Variants in MAP7D2 observed in about 807,000 individuals in gnomAD.
The protein encoded by MAP7D2 is MAP7 domain-containing protein 2.
In MAP7D2, 33 loss-of-function variants were observed where a neutral mutation model predicts 63.5. The ratio of observed to expected loss-of-function variants is 0.52; its 90% CI spans 0.39 to 0.70. The LOEUF (loss-of-function observed/expected upper bound fraction) is 0.70. MAP7D2 is among the 30% of genes least tolerant of loss of function. The pLI, the probability that MAP7D2 is intolerant of heterozygous loss-of-function variation, is 0.00. For synonymous variants in MAP7D2, 224 were observed against 223.7 expected (o/e 1.00, Z -0.01); for missense variants, 626 against 604.0 (o/e 1.04, Z -0.38).
In MAP7D2 at chrX:20,116,774, A is replaced by G. The variant is rs2066906054; in HGVS notation, c.106T>C (p.Ser36Pro). Residue 36 changes from serine (S) to proline (P), a missense_variant, in exon 1 of 17, where the codon TCT becomes CCT. Transcript: ENST00000379643. ...KIAEPGAVRT[S>P]QPNYRPQGME... ...CCTTGAGGCCGGTAGTTGGGCTGAG[A>G]GGTCCGCACCGCGCCCGGTTCTGCG... is the stretch of plus-strand genomic sequence containing the variant. 1 of 1,187,506 alleles carries G rather than the reference A, an allele frequency of 8.4e-7. No homozygotes were observed. Among genetic ancestry groups the G allele is most frequent in the Non-Finnish European group, 1.1e-6 (1 of 884,451 alleles).
intron 10 of MAP7D2, among the ~76,000 whole-genome samples, chrX:20,021,774 C>G (rs1004114065): frequency 1.8e-5 from 2 of 112,293 alleles, no homozygotes; most frequent in African/African-American, 6.5e-5. Flanking sequence ...AATCAAACCT[C>G]AGCATCAACT....
chrX:20,029,957 G>A (rs1447443091), intron 8 of MAP7D2, among the ~76,000 whole-genome samples: 2 of 112,169 alleles, frequency 1.8e-5, no homozygotes, highest in African/African-American at 6.5e-5. Flanking sequence ...CAGGTATCCG[G>A]AAGAAACTAA....
At chrX:20,038,089 G>A (rs113762374) in intron 8 of MAP7D2, among the ~76,000 whole-genome samples, 7 of 111,821 alleles carry the variant, frequency 6.3e-5, no homozygotes, top group African/African-American at 1.9e-4. Flanking sequence ...CTGAGCCCTC[G>A]ATATGCACCA....
At chrX:20,116,018 C>G (rs2031669859) in intron 1 of MAP7D2, among the ~76,000 whole-genome samples, 2 of 112,987 alleles carry the variant, frequency 1.8e-5, no homozygotes, top group South Asian at 7.2e-4. Flanking sequence ...CAAATGTCCT[C>G]ACAGTCTCCT....
intron 3 of MAP7D2, among the ~76,000 whole-genome samples, chrX:20,058,501 C>T (rs956782368): frequency 1.3e-4 from 14 of 111,671 alleles, no homozygotes; most frequent in African/African-American, 3.9e-4. Flanking sequence ...ACCAGCCTGA[C>T]CACTGATCAG....
chrX:20,116,598 G>C (rs775913897), intron 1 of MAP7D2, 152 bp downstream of exon 1: 1 of 974,561 alleles, frequency 1.0e-6, no homozygotes, highest in African/African-American at 2.1e-5. Context: ...ATGCACGTCC[G>C]GACGATCCTG....
At chrX:20,024,869 A>G in intron 10 of MAP7D2, 82 bp downstream of exon 10, 1 of 1,079,671 alleles carries the variant, frequency 9.3e-7, no homozygotes, top group Non-Finnish European at 1.3e-6. Context: ...ATCAATACCA[A>G]CGCTGTAAAA....
At chrX:20,110,129 G>A (rs12839706) in intron 1 of MAP7D2, among the ~76,000 whole-genome samples, 2 of 104,017 alleles carry the variant, frequency 1.9e-5, no homozygotes, top group Admixed American at 2.1e-4. Flanking sequence ...CCAAAACAAC[G>A]ACACAGTATA....
rs182549068 is a variant in MAP7D2 at position 20,098,560 on chromosome X, G to C, written c.130+18190C>G. On this transcript the variant is annotated intron_variant, in intron 1 of 16. Transcript: ENST00000379643. ...GGGTTGTCCGCTCTCTACACGGTGG[G>C]GGGGGGAGCGGGTAGCAAGAGGAGA... Among the ~76,000 whole-genome samples the C allele has an allele frequency of 1.3e-4, 14 of 110,961 alleles. No homozygotes were observed. In the South Asian group the frequency reaches 4.6e-3, roughly 37 times the overall value.
At chrX:20,046,157 T>C (rs760056270) in intron 6 of MAP7D2, among the ~76,000 whole-genome samples, 3 of 111,961 alleles carry the variant, frequency 2.7e-5, no homozygotes, top group Non-Finnish European at 3.8e-5. Flanking sequence ...GGAAAAGACA[T>C]GCTTCTGGAG....
At chrX:20,103,994 G>T (rs1333645282) in intron 1 of MAP7D2, among the ~76,000 whole-genome samples, 1 of 112,166 alleles carries the variant, frequency 8.9e-6, no homozygotes, top group Non-Finnish European at 1.9e-5. Flanking sequence ...GGGCCTCTTG[G>T]TTGAAACAGA....
chrX:20,024,881 G>C (rs2073784382), intron 10 of MAP7D2, 70 bp downstream of exon 10: 1 of 1,129,261 alleles, frequency 8.9e-7, no homozygotes, highest in African/African-American at 1.8e-5. Context: ...GCTGTAAAAA[G>C]AAAGGCAAGC....
At chrX:20,089,321 A>G (rs996346969) in intron 1 of MAP7D2, among the ~76,000 whole-genome samples, 1 of 111,981 alleles carries the variant, frequency 8.9e-6, no homozygotes, top group Non-Finnish European at 1.9e-5. Context: ...ATGTTTGTCT[A>G]TCCTTATGCC....
intron 5 of MAP7D2, among the ~76,000 whole-genome samples, chrX:20,051,572 A>T (rs1462799209): frequency 2.7e-5 from 3 of 109,658 alleles, no homozygotes; most frequent in Non-Finnish European, 5.7e-5. Context: ...AAAAAAAAAC[A>T]AAAAAAACAA....
At chrX:20,082,288 G>A (rs754121212) in intron 1 of MAP7D2, among the ~76,000 whole-genome samples, 202 of 112,680 alleles carry the variant, frequency 1.8e-3, no homozygotes, top group Middle Eastern at 4.6e-3. Flanking sequence ...CAGTGCTTAG[G>A]AAGAAAGTGG....
chrX:20,016,066 A>C, intron 11 of MAP7D2, 28 bp downstream of exon 11: 3 of 1,153,380 alleles, frequency 2.6e-6, no homozygotes, highest in Non-Finnish European at 3.5e-6. Flanking sequence ...AAAAACAAGT[A>C]AAGTCCATCT....
rs754810788 is a variant in MAP7D2, at chrX:20,056,823, A to G, written c.373-32T>C. The G allele has an allele frequency of 3.5e-6, 4 of 1,152,174 alleles. No individual in the cohort carries two copies. The South Asian group carries it at 7.3e-5, about 21-fold the overall frequency. 95.0% of individuals were successfully genotyped at this position (1,152,174 alleles called of 1,213,427 possible). ...AGTTCGTGTAAGGCAAGTGTTAACA[A>G]GATTAACTACCCAGCCCCACCACAC... is the stretch of plus-strand genomic sequence containing the variant. On this transcript the variant is annotated intron_variant, in intron 3 of 16. Coordinates refer to ENST00000379643, the MANE Select transcript of MAP7D2 (RefSeq NM_001168465.2).
At chrX:20,028,532 A>G (rs2073945024) in intron 8 of MAP7D2, among the ~76,000 whole-genome samples, 1 of 112,175 alleles carries the variant, frequency 8.9e-6, no homozygotes, top group Non-Finnish European at 1.9e-5. Context: ...CACAATGTGT[A>G]CTAACTGTAC....
intron 1 of MAP7D2, among the ~76,000 whole-genome samples, chrX:20,100,619 G>T (rs2066405048): frequency 9.1e-6 from 1 of 109,329 alleles, no homozygotes; most frequent in Non-Finnish European, 1.9e-5. Context: ...AGAGCTGGGG[G>T]GGAGGGAGGG....
Sources: gnomAD v4.1 joint callset for allele counts (sites outside exome capture counted in the v4.1 genomes callset) on GRCh38, gnomAD v4.1.1 for gene constraint, MANE v1.5 for transcripts, NCBI Gene and HGNC (gene_info 2026-07-23, HGNC 2026-07-21) for gene names.